CDH22: variants seen among roughly 807,000 people sequenced by gnomAD.
The protein encoded by CDH22 is cadherin-22.
Under a neutral mutation model 58.4 loss-of-function variants are expected in CDH22, and 30 were observed. That is an observed-to-expected ratio of 0.51 (90% confidence interval 0.38 to 0.70). The LOEUF is 0.70. CDH22 is among the 30% of genes least tolerant of loss of function. CDH22 has a pLI of 0.00. For synonymous variants in CDH22, 513 were observed against 558.2 expected (o/e 0.92, Z 1.14); for missense variants, 1,014 against 1,233.9 (o/e 0.82, Z 2.67).
At chr20:46,264,395 A>T (rs2086448294) in intron 1 of CDH22, among the ~76,000 whole-genome samples, 1 of 152,214 alleles carries the variant, frequency 6.6e-6, no homozygotes, top group African/African-American at 2.4e-5. Flanking sequence ...AATGATAGAT[A>T]ACATTTATAG....
intron 4 of CDH22, among the ~76,000 whole-genome samples, chr20:46,220,214 A>G (rs2086113899): frequency 6.6e-6 from 1 of 151,860 alleles, no homozygotes; most frequent in South Asian, 2.1e-4. Context: ...AGGTAGATAA[A>G]CCAGAGAGAA....
rs924886758 is a variant in CDH22 at position 46,191,228 on chromosome 20, GT to G, written c.1424-4282del. On this transcript the variant is annotated intron_variant, in intron 8 of 11. Transcript: ENST00000537909. ...TGATATTTCTGCTGAGTCCTGCTGAGTCCTGACTGGGAAGTAATTGTATGAG... is the reference window on the plus strand; with the variant it reads ...TGATATTTCTGCTGAGTCCTGCTGAGCCTGACTGGGAAGTAATTGTATGAG... Among the ~76,000 whole-genome samples the G allele has an allele frequency of 9.7e-4, 147 of 152,138 alleles. 4 individuals are homozygous for G. The highest frequency in any genetic ancestry group is 2.9e-4 in the Non-Finnish European group (20 of 68,028).
At chr20:46,245,558 C>T (rs114847256) in intron 2 of CDH22, among the ~76,000 whole-genome samples, 219 of 152,196 alleles carry the variant, frequency 1.4e-3, no homozygotes, top group African/African-American at 5.2e-3. Flanking sequence ...TGTGAGTGCA[C>T]GTGAGTGTGA....
intron 10 of CDH22, among the ~76,000 whole-genome samples, chr20:46,182,093 C>T (rs1335725676): frequency 1.3e-5 from 2 of 152,162 alleles, no homozygotes; most frequent in African/African-American, 4.8e-5. Context: ...GCCATGATTA[C>T]AGGCATGAGC....
chr20:46,200,824 G>A (rs528390345), intron 7 of CDH22, among the ~76,000 whole-genome samples: 1 of 152,294 alleles, frequency 6.6e-6, no homozygotes, highest in East Asian at 1.9e-4. Context: ...TTTTGAGCAG[G>A]GGAGAGGGGG....
At chr20:46,226,185 A>G (rs1174126851) in intron 4 of CDH22, among the ~76,000 whole-genome samples, 2 of 151,622 alleles carry the variant, frequency 1.3e-5, no homozygotes, top group Non-Finnish European at 2.9e-5. Flanking sequence ...CCTGAGCCAT[A>G]CCCTGTACCT....
chr20:46,282,704 C>G (rs530551354), intron 1 of CDH22, among the ~76,000 whole-genome samples: 1 of 152,028 alleles, frequency 6.6e-6, no homozygotes, highest in African/African-American at 2.4e-5. Flanking sequence ...AAGATGTTCC[C>G]GTCGTCTTCT....
Position 46,174,584 on chromosome 20 carries a change from G to T in CDH22, c.2409C>A (p.Ser803Arg). Reference sequence around the variant, plus strand: ...GGGGCCGGAAGCGCGGACCCCAGCTGCTGAGATAGGCGAAGTCCTGCTCGG... The same window carrying T: ...GGGGCCGGAAGCGCGGACCCCAGCTTCTGAGATAGGCGAAGTCCTGCTCGG... ...SGSEQDFAYLSSWGPRFRPLA... is the reference protein window; with the variant it reads ...SGSEQDFAYLRSWGPRFRPLA... Residue 803 changes from serine to arginine, a missense_variant, in exon 12 of 12, where the codon AGC becomes AGA. Ser to Arg is a moderately radical substitution (Grantham distance 110, BLOSUM62 -1). Transcript: ENST00000537909. The surrounding 1 kb of genome is among the most constrained non-coding windows in gnomAD (Gnocchi z 4.4). 6.5e-7 allele frequency: 1 copy of T among 1,532,990 alleles called. No individual in the cohort carries two copies. The highest frequency in any genetic ancestry group is 8.7e-7 in the Non-Finnish European group (1 of 1,144,764). 95.0% of individuals were successfully genotyped at this position (1,532,990 alleles called of 1,614,324 possible).
chr20:46,213,772 T>C (rs1433535588), intron 5 of CDH22, among the ~76,000 whole-genome samples: 1 of 152,208 alleles, frequency 6.6e-6, no homozygotes, highest in Non-Finnish European at 1.5e-5. Flanking sequence ...AATGTATACA[T>C]TGAGCACCTA....
At chr20:46,299,920 AT>A (rs1329152668) in intron 1 of CDH22, among the ~76,000 whole-genome samples, 1 of 152,122 alleles carries the variant, frequency 6.6e-6, no homozygotes, top group Non-Finnish European at 1.5e-5. Context: ...GAGAAAAGTC[AT>A]GACAAGGCTC....
At chr20:46,177,267 G>A (rs1222020081) in intron 11 of CDH22, among the ~76,000 whole-genome samples, 1 of 152,190 alleles carries the variant, frequency 6.6e-6, no homozygotes, top group African/African-American at 2.4e-5. Context: ...TTCTTTACTT[G>A]GGTGGTTACA....
intron 1 of CDH22, among the ~76,000 whole-genome samples, chr20:46,297,121 C>T (rs901231123): frequency 5.9e-5 from 9 of 152,236 alleles, no homozygotes; most frequent in East Asian, 5.8e-4. Flanking sequence ...TTGTGCCCCG[C>T]GGACATCAAG....
At chr20:46,227,688 C>A in intron 3 of CDH22, 61 bp from the exon 4 acceptor site, 1 of 1,545,988 alleles carries the variant, frequency 6.5e-7, no homozygotes, top group Non-Finnish European at 8.7e-7. Flanking sequence ...CGTTCCCCCA[C>A]TTCGCCTCAC....
intron 4 of CDH22, among the ~76,000 whole-genome samples, chr20:46,226,913 A>G (rs943776062): frequency 6.6e-6 from 1 of 152,110 alleles, no homozygotes; most frequent in Non-Finnish European, 1.5e-5. Context: ...GTCAGGTTCT[A>G]ATGTCACCGT....
intron 4 of CDH22, among the ~76,000 whole-genome samples, chr20:46,223,757 TTTC>T (rs1003808529): frequency 1.2e-4 from 18 of 148,338 alleles, no homozygotes; most frequent in African/African-American, 3.8e-4. Context: ...CCTCTTTCTT[TTTC>T]TTTCTTTCTT....
At chr20:46,293,296 A>G (rs905078204) in intron 1 of CDH22, among the ~76,000 whole-genome samples, 1 of 152,180 alleles carries the variant, frequency 6.6e-6, no homozygotes, top group Non-Finnish European at 1.5e-5. Flanking sequence ...AAATGCTTTT[A>G]TCCTCCATGA....
chr20:46,174,137 G>C lies in CDH22; in HGVS notation c.*369C>G. The C allele has an allele frequency of 2.1e-5, 6 of 292,426 alleles. No homozygotes were observed. Among genetic ancestry groups the C allele is most frequent in the Non-Finnish European group, 2.5e-5 (4 of 159,248 alleles). 18.1% of individuals were successfully genotyped at this position (292,426 alleles called of 1,614,324 possible). On this transcript the variant is annotated 3_prime_UTR_variant, in exon 12 of 12. Transcript: ENST00000537909. The surrounding 1 kb of genome is among the most constrained non-coding windows in gnomAD (Gnocchi z 4.4). The stretch of plus-strand genomic sequence containing the variant: ...CTCTTAACTCTGATGGGGGAAACCT[G>C]GGGTGGGGGCATCTCAGCGGCGTGC...
rs762575375 is a variant in CDH22, at chr20:46,251,178, C to G, written c.117G>C (p.Ala39=). The change falls in exon 2 of 12, where the codon GCG becomes GCC. Residue 39 remains alanine, a synonymous_variant. Transcript: ENST00000537909. This position sits in a 1 kb window ranked among gnomAD's most constrained non-coding sequence, Gnocchi z 6.7. The part of the protein sequence containing the change: ...PPTLLGRLWA[A]GTPSPSAPGA... ...CGGGCGCCGACGGCGAGGGTGTGCC[C>G]GCTGCCCACAGGCGCCCCAGCAGCG... 3 of 1,557,288 alleles carry G rather than the reference C, an allele frequency of 1.9e-6. No homozygotes were observed. The highest frequency in any genetic ancestry group is 2.6e-6 in the Non-Finnish European group (3 of 1,153,758).
chr20:46,251,445 C>T lies in CDH22; in HGVS notation c.-151G>A, dbSNP rs1392998639. On this transcript the variant is annotated 5_prime_UTR_variant, in exon 2 of 12. Transcript: ENST00000537909. This position sits in a 1 kb window ranked among gnomAD's most constrained non-coding sequence, Gnocchi z 6.7. ...CCCCGACGGGGCACCCGGACGGGCC[C>T]GCGGCCCTGAACGCCGCCCAGCCGC... 5 of 928,036 alleles carry T rather than the reference C, an allele frequency of 5.4e-6. No homozygotes were observed. The East Asian group carries it at 1.4e-4, about 26-fold the overall frequency. 57.5% of individuals were successfully genotyped at this position (928,036 alleles called of 1,614,324 possible). A position where few individuals can be genotyped will look rare whatever the true frequency, so the allele number is the denominator to read the frequency against.
Sources: gnomAD v4.1 joint callset for allele counts (sites outside exome capture counted in the v4.1 genomes callset) on GRCh38, gnomAD v4.1.1 for gene constraint, Gnocchi (gnomAD v3.1) non-coding constraint, MANE v1.5 for transcripts, NCBI Gene and HGNC (gene_info 2026-07-23, HGNC 2026-07-21) for gene names.